The following SSBP2 variants were observed in gnomAD, a reference collection of about 807,000 sequenced individuals.
The protein encoded by SSBP2 is single-stranded DNA-binding protein 2.
A neutral mutation model predicts 61.8 loss-of-function variants in SSBP2; 17 were observed. The observed-to-expected ratio is 0.28, with a 90% CI of 0.19 to 0.41. The LOEUF (loss-of-function observed/expected upper bound fraction) is 0.41. Among genes scored for constraint, SSBP2 ranks in the 10% least tolerant of loss-of-function variants. The pLI is 1.00. For synonymous variants in SSBP2, 139 were observed against 141.3 expected, an observed-to-expected ratio of 0.98 and a Z score of 0.12; for missense variants, 310 against 458.7, an observed-to-expected ratio of 0.68 and a Z score of 2.96.
chr5:81,649,150 G>A (rs767813236), intron 2 of SSBP2, among the ~76,000 whole-genome samples: 18 of 152,126 alleles, frequency 1.2e-4, no homozygotes, highest in Non-Finnish European at 2.4e-4. Flanking sequence ...CTGTGGCCAT[G>A]AGCCAGTTAT....
intron 1 of SSBP2, among the ~76,000 whole-genome samples, chr5:81,689,170 G>A (rs1414549204): frequency 6.6e-6 from 1 of 151,838 alleles, no homozygotes; most frequent in African/African-American, 2.4e-5. Flanking sequence ...CTATTTGACA[G>A]TATACAGTCA....
At chr5:81,629,082 G>T (rs768966315) in intron 3 of SSBP2, among the ~76,000 whole-genome samples, 6 of 152,174 alleles carry the variant, frequency 3.9e-5, no homozygotes, top group Non-Finnish European at 7.4e-5. Flanking sequence ...CACCTCCCAG[G>T]TTCAAGCGAT....
In SSBP2 at chr5:81,418,124, C is replaced by T. The variant is rs1423399364; in HGVS notation, c.*2380G>A. 1 of 152,148 alleles carries T rather than the reference C, an allele frequency of 6.6e-6. No homozygotes were observed. The highest frequency in any genetic ancestry group is 2.4e-5 in the African/African-American group (1 of 41,442). 9.4% of individuals were successfully genotyped at this position (152,148 alleles called of 1,614,324 possible). A position where few individuals can be genotyped will look rare whatever the true frequency, so the allele number is the denominator to read the frequency against. On this transcript the variant is annotated 3_prime_UTR_variant, in exon 17 of 17. Coordinates refer to ENST00000320672, the MANE Select transcript of SSBP2 (RefSeq NM_012446.5). The stretch of plus-strand genomic sequence containing the variant: ...GCATTATAAGATTAAGCTTAATAAT[C>T]AAAGGACTGTCAATTTTTATATGAT...
intron 10 of SSBP2, among the ~76,000 whole-genome samples, chr5:81,455,970 G>A (rs1764115704): frequency 6.6e-6 from 1 of 152,160 alleles, no homozygotes; most frequent in African/African-American, 2.4e-5. Flanking sequence ...TAAATGATCT[G>A]TAACATTTTA....
intron 4 of SSBP2, among the ~76,000 whole-genome samples, chr5:81,537,145 G>A (rs554811220): frequency 6.6e-6 from 1 of 152,152 alleles, no homozygotes; most frequent in Non-Finnish European, 1.5e-5. Context: ...TATCCTTAAC[G>A]TGCTCTGATC....
Position 81,540,848 on chromosome 5 carries a change from A to G in SSBP2, c.283-27131T>C, listed in dbSNP as rs571178963. Among the ~76,000 whole-genome samples the G allele has an allele frequency of 2.0e-5, 3 of 152,248 alleles. No homozygotes were observed. In the South Asian group the frequency reaches 6.2e-4, roughly 32 times the overall value. Reference sequence around the variant, plus strand: ...TAAATCACTCAAAAAGCATGACATGAAATGTAACTCCATTCAATATTAAGG... The same window carrying G: ...TAAATCACTCAAAAAGCATGACATGGAATGTAACTCCATTCAATATTAAGG... On this transcript the variant is annotated intron_variant, in intron 4 of 16. Transcript: ENST00000320672.
intron 1 of SSBP2, among the ~76,000 whole-genome samples, chr5:81,687,913 G>A (rs780192308): frequency 2.0e-5 from 3 of 152,100 alleles, no homozygotes; most frequent in Admixed American, 6.6e-5. Context: ...CTTCAGGTGC[G>A]ACCCAGCACA....
chr5:81,661,368 G>A (rs1490464167), intron 1 of SSBP2, among the ~76,000 whole-genome samples: 1 of 152,126 alleles, frequency 6.6e-6, no homozygotes, highest in Non-Finnish European at 1.5e-5. Context: ...TGGATATACA[G>A]AGTGGGATTG....
At chr5:81,565,592 G>C (rs1055803899) in intron 4 of SSBP2, among the ~76,000 whole-genome samples, 6 of 152,084 alleles carry the variant, frequency 3.9e-5, no homozygotes, top group Non-Finnish European at 7.4e-5. Context: ...CCATGACACG[G>C]TATACATACT....
At chr5:81,700,831 C>T (rs1409638187) in intron 1 of SSBP2, among the ~76,000 whole-genome samples, 5 of 152,246 alleles carry the variant, frequency 3.3e-5, no homozygotes, top group Non-Finnish European at 5.9e-5. Flanking sequence ...TCCTAGTCTT[C>T]ACAAACTGAA....
At chr5:81,669,733 C>T (rs568096061) in intron 1 of SSBP2, among the ~76,000 whole-genome samples, 1 of 151,770 alleles carries the variant, frequency 6.6e-6, no homozygotes, top group African/African-American at 2.4e-5. Flanking sequence ...CACATGCATA[C>T]CTATGTAACA....
At chr5:81,450,058 T>C (rs533110117) in intron 10 of SSBP2, among the ~76,000 whole-genome samples, 1 of 152,256 alleles carries the variant, frequency 6.6e-6, no homozygotes, top group South Asian at 2.1e-4. Context: ...GGGGACAAGG[T>C]CTTTTTTTGT....
intron 1 of SSBP2, among the ~76,000 whole-genome samples, chr5:81,679,763 G>A (rs1302306432): frequency 1.3e-5 from 2 of 152,078 alleles, no homozygotes; most frequent in African/African-American, 4.8e-5. Flanking sequence ...CACTGTGATG[G>A]TTAAGTCTTA....
chr5:81,705,298 T>A (rs565712234), intron 1 of SSBP2, among the ~76,000 whole-genome samples: 1 of 152,262 alleles, frequency 6.6e-6, no homozygotes, highest in South Asian at 2.1e-4. Flanking sequence ...TAGAGTTTTT[T>A]AAAAGCCAAT....
intron 1 of SSBP2, among the ~76,000 whole-genome samples, chr5:81,732,865 C>G (rs1176014271): frequency 6.6e-6 from 1 of 152,172 alleles, no homozygotes; most frequent in East Asian, 1.9e-4. Context: ...ACCCGCTGCT[C>G]AGCTATTTTG....
chr5:81,665,771 C>G (rs536550296), intron 1 of SSBP2, among the ~76,000 whole-genome samples: 10 of 152,308 alleles, frequency 6.6e-5, no homozygotes, highest in Admixed American at 1.3e-4. Context: ...TCCCAAAGTG[C>G]TGGGATTACA....
intron 15 of SSBP2, among the ~76,000 whole-genome samples, chr5:81,434,263 A>AT (rs901582746): frequency 2.6e-5 from 4 of 151,262 alleles, no homozygotes; most frequent in Non-Finnish European, 4.4e-5. Context: ...AATGGAGTAA[A>AT]TTTTTTTTTT....
At chr5:81,484,248 T>C (rs1766219137) in intron 6 of SSBP2, among the ~76,000 whole-genome samples, 1 of 152,152 alleles carries the variant, frequency 6.6e-6, no homozygotes, top group African/African-American at 2.4e-5. Flanking sequence ...AAAATGACTA[T>C]AAGATAATGA....
intron 10 of SSBP2, among the ~76,000 whole-genome samples, chr5:81,454,264 G>A (rs1763976937): frequency 1.3e-5 from 2 of 152,174 alleles, no homozygotes; most frequent in Non-Finnish European, 2.9e-5. Context: ...GATTGTCTTG[G>A]GATTTTGTTC....
Sources: gnomAD v4.1 joint callset for allele counts (sites outside exome capture counted in the v4.1 genomes callset) on GRCh38, gnomAD v4.1.1 for gene constraint, MANE v1.5 for transcripts, NCBI Gene and HGNC (gene_info 2026-07-23, HGNC 2026-07-21) for gene names.